ITGB5: variants seen among roughly 807,000 people sequenced by gnomAD.
ITGB5 encodes the protein integrin subunit beta 5.
In ITGB5, 38 loss-of-function variants were observed where a neutral mutation model predicts 84.8. The observed-to-expected ratio is 0.45, with a 90% CI of 0.35 to 0.59. The LOEUF (loss-of-function observed/expected upper bound fraction) is 0.59. Ranked by LOEUF, ITGB5 falls within the 20% of genes least tolerant of loss-of-function variation. The probability of loss-of-function intolerance (pLI) is 0.01; values close to 1 mark genes in which losing one functional copy is unlikely to be tolerated. For synonymous variants in ITGB5, 393 were observed against 414.4 expected (o/e 0.95, Z 0.63); for missense variants, 905 against 1,034.5 (o/e 0.87, Z 1.72).
upstream of ITGB5, among the ~76,000 whole-genome samples, chr3:124,890,200 CTTTT>C (rs138123708): frequency 2.0e-4 from 19 of 93,178 alleles, no homozygotes; most frequent in Non-Finnish European, 2.0e-4. Context: ...ACTTATCTAG[CTTTT>C]TTTTTTTTTT....
At chr3:124,867,706 C>T (rs2065413322) in intron 2 of ITGB5, among the ~76,000 whole-genome samples, 1 of 152,204 alleles carries the variant, frequency 6.6e-6, no homozygotes, top group Admixed American at 6.5e-5. Flanking sequence ...TGTGGGCTAC[C>T]CCTAGGCCCT....
At chr3:124,821,506 T>C (rs1194009909) in intron 5 of ITGB5, 32 bp from the exon 6 acceptor site, 4 of 1,611,040 alleles carry the variant, frequency 2.5e-6, no homozygotes, top group Non-Finnish European at 3.4e-6. Flanking sequence ...GGTACACCAG[T>C]CTTTCTGCCC....
chr3:124,831,520 A>G (rs1039105958), intron 5 of ITGB5, among the ~76,000 whole-genome samples: 1 of 152,210 alleles, frequency 6.6e-6, no homozygotes, highest in Non-Finnish European at 1.5e-5. Flanking sequence ...CAGACCACCA[A>G]TTCTTGGGAA....
intron 3 of ITGB5, among the ~76,000 whole-genome samples, chr3:124,851,081 A>T (rs1427074132): frequency 6.6e-6 from 1 of 152,224 alleles, no homozygotes; most frequent in Non-Finnish European, 1.5e-5. Flanking sequence ...TTTTTTACGA[A>T]TTATAAGAAA....
At chr3:124,825,006 G>A (rs1254439796) in intron 5 of ITGB5, among the ~76,000 whole-genome samples, 4 of 152,118 alleles carry the variant, frequency 2.6e-5, no homozygotes, top group Non-Finnish European at 5.9e-5. Context: ...AGACCATCCT[G>A]GCTAACACGG....
At chr3:124,766,921 G>T (rs1248283601) in intron 12 of ITGB5, among the ~76,000 whole-genome samples, 1 of 152,258 alleles carries the variant, frequency 6.6e-6, no homozygotes, top group Non-Finnish European at 1.5e-5. Flanking sequence ...GTGGAACTCA[G>T]GCTGTCCCCA....
At chr3:124,824,912 A>G (rs187803580) in intron 5 of ITGB5, among the ~76,000 whole-genome samples, 9 of 152,346 alleles carry the variant, frequency 5.9e-5, no homozygotes, top group African/African-American at 1.9e-4. Context: ...AAAAATGTGG[A>G]ACGAGGCCTG....
At chr3:124,772,771 G>C (rs964507483) in intron 11 of ITGB5, among the ~76,000 whole-genome samples, 2 of 152,124 alleles carry the variant, frequency 1.3e-5, no homozygotes, top group Non-Finnish European at 2.9e-5. Context: ...CTGGGGCCCA[G>C]GTCTAGACAA....
At chr3:124,867,204 G>A (rs1321602398) in intron 2 of ITGB5, among the ~76,000 whole-genome samples, 1 of 151,614 alleles carries the variant, frequency 6.6e-6, no homozygotes, top group Non-Finnish European at 1.5e-5. Context: ...ATGCATCCAT[G>A]GCCTCACTGT....
chr3:124,820,958 G>C (rs2064692459), intron 6 of ITGB5, among the ~76,000 whole-genome samples: 1 of 152,120 alleles, frequency 6.6e-6, no homozygotes, highest in Non-Finnish European at 1.5e-5. Context: ...TATACCAGTT[G>C]TGACTTCTGC....
At chr3:124,876,058 G>A (rs1011456018) in intron 1 of ITGB5, among the ~76,000 whole-genome samples, 2 of 152,126 alleles carry the variant, frequency 1.3e-5, no homozygotes, top group African/African-American at 4.8e-5. Context: ...GAATGAATAA[G>A]TTCTGGAGAT....
chr3:124,835,642 C>G lies in ITGB5; in HGVS notation c.780+5741G>C, dbSNP rs961629635. Among the ~76,000 whole-genome samples, 3 of 152,192 alleles carry G rather than the reference C, an allele frequency of 2.0e-5. No individual in the cohort carries two copies. The East Asian group carries it at 5.8e-4, about 29-fold the overall frequency. On this transcript the variant is annotated intron_variant, in intron 5 of 14. Transcript: ENST00000296181. ...TGGGAAGCAGAACATGTGGCGGGTCCCTCTCTTCAGGTGGTGCAGAGGTTT... is the reference window on the plus strand; with the variant it reads ...TGGGAAGCAGAACATGTGGCGGGTCGCTCTCTTCAGGTGGTGCAGAGGTTT...
chr3:124,784,202 T>TA (rs2064046967), intron 10 of ITGB5, among the ~76,000 whole-genome samples: 1 of 152,224 alleles, frequency 6.6e-6, no homozygotes, highest in African/African-American at 2.4e-5. Context: ...TTTCTGGTCT[T>TA]AGCCACCTGA....
At chr3:124,843,146 A>G (rs2065032578) in intron 4 of ITGB5, among the ~76,000 whole-genome samples, 1 of 151,976 alleles carries the variant, frequency 6.6e-6, no homozygotes, top group Non-Finnish European at 1.5e-5. Context: ...CAAACTTTCC[A>G]TTACCTCCTC....
At position 124,884,032 on chromosome 3, in the gene ITGB5, G is replaced by C. The variant is rs575072959; in HGVS notation, c.70+2899C>G. 3.9e-5 allele frequency among the ~76,000 whole-genome samples: 6 copies of C among 152,250 alleles called. No homozygotes were observed. In the East Asian group the frequency reaches 1.2e-3, roughly 29 times the overall value. On this transcript the variant is annotated intron_variant, in intron 1 of 14. Transcript: ENST00000296181. ...GAAAGTGGGGTTAGAGCAACAGAGA[G>C]AGGCACTCAACCACTGGTCCAGGAA...
chr3:124,796,785 G>A lies in ITGB5; in HGVS notation c.1296C>T (p.Ser432=), dbSNP rs150312150. Residue 432 remains serine (S), a synonymous_variant, in exon 10 of 15, where the codon AGC becomes AGT. Coordinates refer to ENST00000296181, the MANE Select transcript of ITGB5 (RefSeq NM_002213.5). ...ASFEVSLEAR[S]CPSRHTEHVF... Reference sequence around the variant, plus strand: ...CATGCTCCGTGTGTCTGCTGGGACAGCTTCGGGCCTCCAATGATACTTCAA... The same window carrying A: ...CATGCTCCGTGTGTCTGCTGGGACAACTTCGGGCCTCCAATGATACTTCAA... 1 of 1,610,800 alleles carries A rather than the reference G, an allele frequency of 6.2e-7. No individual in the cohort carries two copies. Among genetic ancestry groups the A allele is most frequent in the Non-Finnish European group, 8.5e-7 (1 of 1,177,752 alleles).
intron 5 of ITGB5, among the ~76,000 whole-genome samples, chr3:124,824,066 T>G (rs2064747895): frequency 6.6e-6 from 1 of 152,186 alleles, no homozygotes; most frequent in South Asian, 2.1e-4. Flanking sequence ...GAAGGCCTTT[T>G]TGAGAAAATG....
intron 11 of ITGB5, among the ~76,000 whole-genome samples, chr3:124,771,040 T>TAAGTA (rs2063835621): frequency 6.6e-6 from 1 of 152,326 alleles, no homozygotes; most frequent in East Asian, 1.9e-4. Context: ...AAACACTCCC[T>TAAGTA]AAGTATCCAT....
At chr3:124,838,850 C>T (rs1449541117) in intron 5 of ITGB5, among the ~76,000 whole-genome samples, 1 of 152,236 alleles carries the variant, frequency 6.6e-6, no homozygotes, top group Non-Finnish European at 1.5e-5. Flanking sequence ...ATCTGCCCGC[C>T]TCAGCCTCTC....
Sources: gnomAD v4.1 joint callset for allele counts (sites outside exome capture counted in the v4.1 genomes callset) on GRCh38, gnomAD v4.1.1 for gene constraint, MANE v1.5 for transcripts, NCBI Gene and HGNC (gene_info 2026-07-23, HGNC 2026-07-21) for gene names.